The following FBXL4 variants were observed in gnomAD, a reference collection of about 807,000 sequenced individuals.
FBXL4 encodes the protein F-box/LRR-repeat protein 4.
In FBXL4, 40 loss-of-function variants were observed where a neutral mutation model predicts 58.9. The ratio of observed to expected loss-of-function variants is 0.68; its 90% CI spans 0.53 to 0.88. FBXL4 has a LOEUF of 0.88. Among genes scored for constraint, FBXL4 ranks in the 40% least tolerant of loss-of-function variants. The pLI is 0.00. For missense variants in FBXL4, 676 were observed against 734.4 expected (o/e 0.92, Z 0.92); for synonymous variants, 263 against 265.5 (o/e 0.99, Z 0.09).
intron 5 of FBXL4, among the ~76,000 whole-genome samples, chr6:98,907,976 G>A (rs1771876563): frequency 6.6e-6 from 1 of 152,062 alleles, no homozygotes; most frequent in South Asian, 2.1e-4. Context: ...CCATGCTGTT[G>A]AACCCAATCT....
At chr6:98,889,795 A>G (rs1771163673) in intron 7 of FBXL4, among the ~76,000 whole-genome samples, 1 of 152,160 alleles carries the variant, frequency 6.6e-6, no homozygotes, top group Admixed American at 6.5e-5. Flanking sequence ...ATTCAGTTAT[A>G]AAGAATTATT....
chr6:98,928,179 C>A lies in FBXL4; in HGVS notation c.-190-357G>T, dbSNP rs142360511. Among the ~76,000 whole-genome samples, 1,051 of 152,264 alleles carry A rather than the reference C, an allele frequency of 6.9e-3. 3 individuals are homozygous for A. The highest frequency in any genetic ancestry group is 0.012 in the Non-Finnish European group (801 of 68,024). ...GCTCTCTCAGTGGCCACTCTCGTTCCCAGCCAGCTCCACTCATTTACAACA... is the reference window on the plus strand; with the variant it reads ...GCTCTCTCAGTGGCCACTCTCGTTCACAGCCAGCTCCACTCATTTACAACA... On this transcript the variant is annotated intron_variant, in intron 2 of 9. Coordinates refer to ENST00000369244, the MANE Select transcript of FBXL4 (RefSeq NM_001278716.2).
At chr6:98,939,319 C>A (rs1234602447) in intron 1 of FBXL4, among the ~76,000 whole-genome samples, 1 of 152,268 alleles carries the variant, frequency 6.6e-6, no homozygotes, top group South Asian at 2.1e-4. Flanking sequence ...CTTCTTTCTA[C>A]AATTATCAAA....
intron 4 of FBXL4, among the ~76,000 whole-genome samples, chr6:98,918,574 A>T (rs1562241046): frequency 6.6e-6 from 1 of 152,174 alleles, no homozygotes; most frequent in Non-Finnish European, 1.5e-5. Flanking sequence ...CTTCATAATA[A>T]TAGCATCATC....
chr6:98,916,583 C>T (rs1396158018), intron 5 of FBXL4, among the ~76,000 whole-genome samples: 7 of 152,004 alleles, frequency 4.6e-5, no homozygotes, highest in Non-Finnish European at 7.4e-5. Context: ...AAACCAAACA[C>T]CGCATGTTCT....
chr6:98,892,160 A>G (rs1040762125), intron 7 of FBXL4, among the ~76,000 whole-genome samples: 1 of 152,238 alleles, frequency 6.6e-6, no homozygotes, highest in African/African-American at 2.4e-5. Flanking sequence ...ATTATCAGCT[A>G]TTAAAACTAT....
At chr6:98,897,150 A>G in intron 7 of FBXL4, 1 of 983,176 alleles carries the variant, frequency 1.0e-6, no homozygotes, top group Non-Finnish European at 1.2e-6. Context: ...TTAAACAATC[A>G]GAAAATTTTA....
chr6:98,884,937 T>C (rs1317092353), intron 7 of FBXL4, among the ~76,000 whole-genome samples: 1 of 152,210 alleles, frequency 6.6e-6, no homozygotes, highest in African/African-American at 2.4e-5. Context: ...TAGAGCTTAA[T>C]TCCTCTCCCT....
chr6:98,911,309 C>T (rs909154974), intron 5 of FBXL4, among the ~76,000 whole-genome samples: 1 of 152,200 alleles, frequency 6.6e-6, no homozygotes, highest in Non-Finnish European at 1.5e-5. Context: ...CCCTGTCTGA[C>T]ACCTTTGAGG....
At position 98,897,312 on chromosome 6, in the gene FBXL4, C is replaced by T. The variant is rs747909696; in HGVS notation, c.1317+1956G>A. On this transcript the variant is annotated intron_variant, in intron 7 of 9. Coordinates refer to ENST00000369244, the MANE Select transcript of FBXL4 (RefSeq NM_001278716.2). The stretch of plus-strand genomic sequence containing the variant: ...AAGATAGCTAGCAATTTTATACCCA[C>T]ACAAATGGGGAGTCATTTCACCACA... 1.2e-4 allele frequency: 117 copies of T among 985,126 alleles called. 1 individual carries two copies. The highest frequency in any genetic ancestry group is 1.4e-4 in the Non-Finnish European group (116 of 829,804). 61.0% of individuals were successfully genotyped at this position (985,126 alleles called of 1,614,324 possible). A position where few individuals can be genotyped will look rare whatever the true frequency, so the allele number is the denominator to read the frequency against.
chr6:98,899,548 T>G, intron 6 of FBXL4, 67 bp from the exon 7 acceptor site: 2 of 1,521,132 alleles, frequency 1.3e-6, no homozygotes, highest in Admixed American at 4.0e-5. Flanking sequence ...ACTTTGGAAT[T>G]TTAGCAACTC....
intron 6 of FBXL4, among the ~76,000 whole-genome samples, chr6:98,901,676 C>A (rs1771617456): frequency 6.6e-6 from 1 of 152,046 alleles, no homozygotes; most frequent in South Asian, 2.1e-4. Flanking sequence ...TACTACCTAC[C>A]TTTTCATATC....
intron 7 of FBXL4, among the ~76,000 whole-genome samples, chr6:98,887,280 A>C (rs1314410195): frequency 6.6e-6 from 1 of 152,148 alleles, no homozygotes; most frequent in African/African-American, 2.4e-5. Flanking sequence ...AGAAACAAAC[A>C]AAAAAAGTAA....
At position 98,899,406 on chromosome 6, in the gene FBXL4, T is replaced by C; in HGVS notation, c.1179A>G (p.Leu393=). The part of the protein sequence containing the change: ...SCSHFLNETC[L]EVISEMCPNL... ...TTGGACACATCTCAGAAATAACTTC[T>C]AAGCAAGTTTCATTAAGAAAGTGGC... The change falls in exon 7 of 10, where the codon TTA becomes TTG. Residue 393 remains leucine (L), a synonymous_variant. Coordinates refer to ENST00000369244, the MANE Select transcript of FBXL4 (RefSeq NM_001278716.2). The C allele has an allele frequency of 6.2e-7, 1 of 1,613,964 alleles. No homozygotes were observed. Among genetic ancestry groups the C allele is most frequent in the Non-Finnish European group, 8.5e-7 (1 of 1,179,944 alleles).
chr6:98,922,655 A>T (rs1435177509), intron 4 of FBXL4, among the ~76,000 whole-genome samples: 4 of 152,214 alleles, frequency 2.6e-5, no homozygotes, highest in Non-Finnish European at 5.9e-5. Context: ...TTGCTTGAGT[A>T]ATCATTTCAC....
At chr6:98,931,291 A>G (rs1428148261) in intron 2 of FBXL4, among the ~76,000 whole-genome samples, 2 of 152,250 alleles carry the variant, frequency 1.3e-5, no homozygotes, top group East Asian at 1.9e-4. Context: ...TTATAAGATA[A>G]TATCAAAAGC....
intron 5 of FBXL4, among the ~76,000 whole-genome samples, chr6:98,911,302 T>C (rs201706564): frequency 6.6e-6 from 1 of 152,212 alleles, no homozygotes; most frequent in African/African-American, 2.4e-5. Flanking sequence ...TAAATGTCCC[T>C]GTCTGACACC....
In FBXL4 at chr6:98,874,372, T is replaced by G. The variant is rs747618415; in HGVS notation, c.1772A>C (p.Asp591Ala). 6.2e-7 allele frequency: 1 copy of G among 1,613,302 alleles called. No individual in the cohort carries two copies. Among genetic ancestry groups the G allele is most frequent in the South Asian group, 1.1e-5 (1 of 91,022 alleles). Residue 591 changes from aspartate to alanine, a missense_variant, in exon 10 of 10, where the codon GAT (aspartate) becomes GCT (alanine). Coordinates refer to ENST00000369244, the MANE Select transcript of FBXL4 (RefSeq NM_001278716.2). The part of the protein sequence containing the change: ...LESCKDLSLL[D>A]VSFCSQIDNR... ...ATCAATCTGCGAACAGAAGGACACA[T>G]CAAGTAAAGAAAGATCTTTACAAGA...
Position 98,875,431 on chromosome 6 carries a change from C to T in FBXL4, c.1686G>A (p.Gln562=). The change falls in exon 9 of 10, where the codon CAG becomes CAA. Residue 562 remains glutamine (Q), a synonymous_variant. Coordinates refer to ENST00000369244, the MANE Select transcript of FBXL4 (RefSeq NM_001278716.2). ...TAACCTTACCTAATATGTCCAGCTGCTGTAACCTGGTACAATTACATGCCA... is the reference window on the plus strand; with the variant it reads ...TAACCTTACCTAATATGTCCAGCTGTTGTAACCTGGTACAATTACATGCCA... ...DELACNCTRL[Q]QLDILGTRMV... The T allele has an allele frequency of 6.2e-7, 1 of 1,613,940 alleles. No homozygotes were observed. The highest frequency in any genetic ancestry group is 8.5e-7 in the Non-Finnish European group (1 of 1,179,826).
Sources: allele counts gnomAD v4.1 joint callset (sites outside exome capture counted in the v4.1 genomes callset), GRCh38; gene constraint gnomAD v4.1.1; transcripts MANE v1.5; gene names NCBI Gene and HGNC (gene_info 2026-07-23, HGNC 2026-07-21).